The following GLRA3 variants were observed in gnomAD, a reference collection of about 807,000 sequenced individuals.
GLRA3 encodes glycine receptor alpha 3, also known as glycine receptor subunit alpha-3.
Under a neutral mutation model 60.4 loss-of-function variants are expected in GLRA3, and 44 were observed. The observed-to-expected ratio is 0.73, with a 90% CI of 0.57 to 0.94. GLRA3 has a LOEUF of 0.94. GLRA3 is among the 40% of genes least tolerant of loss of function. The probability of loss-of-function intolerance (pLI) is 0.00; values close to 1 mark genes in which losing one functional copy is unlikely to be tolerated. For missense variants in GLRA3, 508 were observed against 564.6 expected (o/e 0.90, Z 1.02); for synonymous variants, 223 against 192.9 (o/e 1.16, Z -1.29).
At chr4:174,780,675 T>A (rs1738831473) in intron 2 of GLRA3, among the ~76,000 whole-genome samples, 1 of 151,046 alleles carries the variant, frequency 6.6e-6, no homozygotes, top group Non-Finnish European at 1.5e-5. Flanking sequence ...TAGTCTCTGA[T>A]AAAACAGACT....
chr4:174,727,684 C>CT (rs1279693544), intron 4 of GLRA3, among the ~76,000 whole-genome samples: 1 of 152,006 alleles, frequency 6.6e-6, no homozygotes, highest in Non-Finnish European at 1.5e-5. Flanking sequence ...TTTACTGACT[C>CT]TACATTTGTT....
intron 4 of GLRA3, among the ~76,000 whole-genome samples, chr4:174,728,153 TA>T (rs1343963219): frequency 6.6e-6 from 1 of 152,204 alleles, no homozygotes; most frequent in African/African-American, 2.4e-5. Flanking sequence ...CATATATACA[TA>T]AAAGTATTAT....
chr4:174,807,274 T>A, intron 1 of GLRA3, among the ~76,000 whole-genome samples: 1 of 152,062 alleles, frequency 6.6e-6, no homozygotes, highest in East Asian at 1.9e-4. Flanking sequence ...ATATGTAAAT[T>A]TTTAAATAAA....
intron 5 of GLRA3, among the ~76,000 whole-genome samples, chr4:174,707,716 A>G (rs969038725): frequency 1.3e-5 from 2 of 152,222 alleles, no homozygotes; most frequent in African/African-American, 4.8e-5. Flanking sequence ...ATATTTGGAA[A>G]TCATCACATA....
chr4:174,713,393 A>C (rs2111088578), intron 5 of GLRA3, among the ~76,000 whole-genome samples: 1 of 152,292 alleles, frequency 6.6e-6, no homozygotes, highest in Admixed American at 6.5e-5. Context: ...CAGTGATCTA[A>C]CCAACCCTCA....
At position 174,643,323 on chromosome 4, in the gene GLRA3, C is replaced by G; in HGVS notation, c.*463G>C. 2 of 582,718 alleles carry G rather than the reference C, an allele frequency of 3.4e-6. No individual in the cohort carries two copies. The highest frequency in any genetic ancestry group is 3.9e-6 in the Non-Finnish European group (2 of 509,534). 36.1% of individuals were successfully genotyped at this position (582,718 alleles called of 1,614,324 possible). On this transcript the variant is annotated 3_prime_UTR_variant, in exon 10 of 10. Coordinates refer to ENST00000274093, the MANE Select transcript of GLRA3 (RefSeq NM_006529.4). ...TCCATTAATATGAGTGAATTTCCCA[C>G]TGTAACTAATTATTTTCCCATTTTG...
At chr4:174,740,047 A>G (rs934663690) in intron 3 of GLRA3, among the ~76,000 whole-genome samples, 2 of 152,170 alleles carry the variant, frequency 1.3e-5, no homozygotes, top group Admixed American at 6.6e-5. Context: ...TCTTAAATTC[A>G]CAGGTCTTTT....
At chr4:174,746,435 TA>T (rs1232975086) in intron 3 of GLRA3, among the ~76,000 whole-genome samples, 10 of 152,028 alleles carry the variant, frequency 6.6e-5, no homozygotes, top group Non-Finnish European at 1.2e-4. Context: ...ATGTGGGAGC[TA>T]AAAAAACTCA....
At chr4:174,801,996 CTAGA>C (rs1404044843) in intron 1 of GLRA3, among the ~76,000 whole-genome samples, 2 of 151,244 alleles carry the variant, frequency 1.3e-5, no homozygotes, top group African/African-American at 4.9e-5. Context: ...TCCAAAGTAT[CTAGA>C]TAAATATTTT....
chr4:174,789,834 T>G (rs1018029949), intron 1 of GLRA3, among the ~76,000 whole-genome samples: 3 of 152,210 alleles, frequency 2.0e-5, no homozygotes, highest in African/African-American at 7.2e-5. Flanking sequence ...TTCAAGCTGA[T>G]GTCACTTCCT....
chr4:174,818,544 T>C (rs1220703120), intron 1 of GLRA3, among the ~76,000 whole-genome samples: 1 of 152,102 alleles, frequency 6.6e-6, no homozygotes, highest in Non-Finnish European at 1.5e-5. Flanking sequence ...TGCAGCAGAG[T>C]CAATGACTTT....
intron 2 of GLRA3, among the ~76,000 whole-genome samples, chr4:174,775,851 A>C (rs2111260349): frequency 6.6e-6 from 1 of 151,734 alleles, no homozygotes; most frequent in African/African-American, 2.4e-5. Context: ...ACATAATAAA[A>C]TTTTAGTGAG....
At chr4:174,693,210 T>C (rs1734927140) in intron 5 of GLRA3, among the ~76,000 whole-genome samples, 7 of 152,218 alleles carry the variant, frequency 4.6e-5, no homozygotes, top group Admixed American at 4.6e-4. Flanking sequence ...GCTTTTGGTG[T>C]CTTTATCATG....
chr4:174,786,307 C>T (rs935967832), intron 2 of GLRA3, among the ~76,000 whole-genome samples: 1 of 151,984 alleles, frequency 6.6e-6, no homozygotes, highest in African/African-American at 2.4e-5. Context: ...GTCATGTGAA[C>T]TACCACAGAG....
intron 3 of GLRA3, among the ~76,000 whole-genome samples, chr4:174,766,289 G>C (rs1031571451): frequency 6.6e-6 from 1 of 151,736 alleles, no homozygotes; most frequent in Non-Finnish European, 1.5e-5. Context: ...AATAAAATTG[G>C]CTGCTAGACA....
At chr4:174,781,446 G>T (rs1738867266) in intron 2 of GLRA3, among the ~76,000 whole-genome samples, 1 of 141,314 alleles carries the variant, frequency 7.1e-6, no homozygotes, top group Non-Finnish European at 1.5e-5. Context: ...CTAGCAGAAG[G>T]CAAGAAATAA....
intron 2 of GLRA3, among the ~76,000 whole-genome samples, chr4:174,779,477 A>G (rs917387591): frequency 1.3e-5 from 2 of 152,224 alleles, no homozygotes; most frequent in East Asian, 1.9e-4. Flanking sequence ...GACTTTGACG[A>G]GCTGAGAGAA....
rs534156253 is a variant in GLRA3, at chr4:174,641,074, T to C, written c.*2712A>G. The C allele has an allele frequency of 6.6e-6, 1 of 152,226 alleles. No homozygotes were observed. The highest frequency in any genetic ancestry group is 1.5e-5 in the Non-Finnish European group (1 of 67,946). 9.4% of individuals were successfully genotyped at this position (152,226 alleles called of 1,614,324 possible). ...CTAATGTATAAGATAGCCTATAAAT[T>C]CATATGCTATGGAATCAAATATTTC... On this transcript the variant is annotated 3_prime_UTR_variant, in exon 10 of 10. Coordinates refer to ENST00000274093, the MANE Select transcript of GLRA3 (RefSeq NM_006529.4).
At chr4:174,664,301 C>T (rs55761298) in intron 7 of GLRA3, among the ~76,000 whole-genome samples, 3,417 of 152,204 alleles carry the variant, frequency 0.022, 60 homozygotes, top group Non-Finnish European at 0.034. Context: ...CTGACTAAAG[C>T]CCCCTTTATC....
Sources: allele counts gnomAD v4.1 joint callset (sites outside exome capture counted in the v4.1 genomes callset), GRCh38; gene constraint gnomAD v4.1.1; transcripts MANE v1.5; gene names NCBI Gene and HGNC (gene_info 2026-07-23, HGNC 2026-07-21).